The following GSE1 variants were observed in gnomAD, a reference collection of about 807,000 sequenced individuals.
GSE1 encodes genetic suppressor element 1.
GSE1 carries 32 observed loss-of-function variants against 112.6 expected under a neutral mutation model. The ratio of observed to expected loss-of-function variants is 0.28; its 90% CI spans 0.21 to 0.38. The LOEUF is 0.38. GSE1 is among the 10% of genes least tolerant of loss of function. The pLI is 1.00. For missense variants in GSE1, 2,348 were observed against 1,699.2 expected (o/e 1.38, Z -6.71); for synonymous variants, 1,115 against 735.6 (o/e 1.52, Z -8.35).
At chr16:85,352,661 C>T (rs1308242062) in intron 1 of GSE1, among the ~76,000 whole-genome samples, 1 of 152,150 alleles carries the variant, frequency 6.6e-6, no homozygotes, top group Non-Finnish European at 1.5e-5. Context: ...GGCCCTTTGC[C>T]TCTGTTTGAT....
At chr16:85,330,538 C>T (rs749512456) in intron 1 of GSE1, among the ~76,000 whole-genome samples, 1 of 152,238 alleles carries the variant, frequency 6.6e-6, no homozygotes, top group Non-Finnish European at 1.5e-5. Context: ...CAGAGACAGC[C>T]CCTCGCAGCA....
At chr16:85,516,339 A>G (rs2051935732) in intron 2 of GSE1, among the ~76,000 whole-genome samples, 1 of 137,074 alleles carries the variant, frequency 7.3e-6, no homozygotes, top group South Asian at 2.7e-4. Context: ...CCAGAGTTCA[A>G]GGGGGCGGTG....
At chr16:85,322,467 T>G (rs1473492925) in intron 1 of GSE1, among the ~76,000 whole-genome samples, 1 of 152,080 alleles carries the variant, frequency 6.6e-6, no homozygotes, top group Admixed American at 6.5e-5. Context: ...TTGCAAGCAG[T>G]GACCAAGGGA....
chr16:85,170,383 G>T (rs2074339955), exon 1 of GSE1: 1 of 985,522 alleles, frequency 1.0e-6, no homozygotes, highest in Non-Finnish European at 1.2e-6. Flanking sequence ...TGTCCAAGAG[G>T]CCCCTGCAGA....
intron 1 of GSE1, among the ~76,000 whole-genome samples, chr16:85,294,649 CT>C: frequency 6.8e-5 from 8 of 118,260 alleles, no homozygotes; most frequent in African/African-American, 2.9e-4. Context: ...CTCTCTCTCT[CT>C]CTCTCTCTGT....
At position 85,311,181 on chromosome 16, in the gene GSE1, G is replaced by T. The variant is rs1274207632; in HGVS notation, c.2284-46282G>T. ...TCCAGAGGCCCATCGGATGCCCCTG[G>T]TTCCCAGGGTGCCCCCAGCAGAAGA... On this transcript the variant is annotated intron_variant, in intron 1 of 2. Coordinates refer to the GSE1 transcript ENST00000637419. This position sits in a 1 kb window ranked among gnomAD's most constrained non-coding sequence, Gnocchi z 4.2. Among the ~76,000 whole-genome samples, 5 of 152,200 alleles carry T rather than the reference G, an allele frequency of 3.3e-5. No individual in the cohort carries two copies. The highest frequency in any genetic ancestry group is 1.2e-4 in the African/African-American group (5 of 41,466).
At chr16:85,283,181 G>C (rs1337538175) in intron 1 of GSE1, 1 of 152,804 alleles carries the variant, frequency 6.5e-6, no homozygotes, top group Admixed American at 6.5e-5. Flanking sequence ...CAACCTGGGA[G>C]GTACTAGCCA....
intron 1 of GSE1, among the ~76,000 whole-genome samples, chr16:85,229,422 C>T (rs957755619): frequency 1.3e-5 from 2 of 152,248 alleles, no homozygotes; most frequent in African/African-American, 4.8e-5. Context: ...CTTCCCTGGC[C>T]CACCTGGTCC....
intron 2 of GSE1, among the ~76,000 whole-genome samples, chr16:85,390,438 C>A (rs1202077460): frequency 6.6e-6 from 1 of 152,120 alleles, no homozygotes; most frequent in African/African-American, 2.4e-5. Context: ...AGCTAGTCCC[C>A]TTTGAGCCCT....
At chr16:85,181,487 C>T (rs1244963397) in intron 1 of GSE1, among the ~76,000 whole-genome samples, 1 of 152,226 alleles carries the variant, frequency 6.6e-6, no homozygotes, top group Non-Finnish European at 1.5e-5. Context: ...GCCTGGCTTC[C>T]ACACGGCCCT....
intron 7 of GSE1, among the ~76,000 whole-genome samples, chr16:85,657,018 G>GA: frequency 6.6e-6 from 1 of 152,318 alleles, no homozygotes; most frequent in East Asian, 1.9e-4. Flanking sequence ...TCTGCTCTTT[G>GA]AGCCAGCATG....
chr16:85,307,218 T>C (rs2045703447), intron 1 of GSE1, among the ~76,000 whole-genome samples: 3 of 152,164 alleles, frequency 2.0e-5, no homozygotes, highest in Admixed American at 2.0e-4. Flanking sequence ...ATGGTTTGCA[T>C]GGTGGAGAGG....
chr16:85,171,951 C>A (rs1012850419), intron 1 of GSE1: 6 of 361,424 alleles, frequency 1.7e-5, no homozygotes, highest in Non-Finnish European at 2.3e-5. Flanking sequence ...AGGTACCCTC[C>A]CTGAGTCACT....
chr16:85,667,029 C>T (rs2052919921), intron 13 of GSE1, among the ~76,000 whole-genome samples: 1 of 152,368 alleles, frequency 6.6e-6, no homozygotes, highest in Middle Eastern at 3.4e-3. Flanking sequence ...TACGCAGATA[C>T]TATGCCACTT....
In GSE1 at chr16:85,373,815, G is replaced by T. The variant is rs370082264; in HGVS notation, c.2464+16172G>T. 4.6e-4 allele frequency among the ~76,000 whole-genome samples: 70 copies of T among 152,284 alleles called. 1 individual carries two copies. Among genetic ancestry groups the T allele is most frequent in the African/African-American group, 1.6e-3 (67 of 41,562 alleles). On this transcript the variant is annotated intron_variant, in intron 2 of 2. Transcript: ENST00000637419. The surrounding 1 kb of genome is among the most constrained non-coding windows in gnomAD (Gnocchi z 5.1). ...AGGCAGCCCAGGGCAGGGTGATTGT[G>T]CTCCTGCCCCACGGTGCCCCACGGT...
At chr16:85,455,569 G>A (rs1597806840) in intron 2 of GSE1, among the ~76,000 whole-genome samples, 4 of 152,320 alleles carry the variant, frequency 2.6e-5, no homozygotes, top group Non-Finnish European at 1.5e-5. Flanking sequence ...GGCAAGCAGA[G>A]CCTCTGCTCA....
At chr16:85,266,767 C>G (rs1408618594) in intron 1 of GSE1, among the ~76,000 whole-genome samples, 1 of 152,134 alleles carries the variant, frequency 6.6e-6, no homozygotes, top group Non-Finnish European at 1.5e-5. Flanking sequence ...TGGGCAGAGA[C>G]AGGGCTCTAG....
chr16:85,258,838 C>T (rs1260607554), intron 1 of GSE1, among the ~76,000 whole-genome samples: 2 of 152,208 alleles, frequency 1.3e-5, no homozygotes, highest in African/African-American at 4.8e-5. Flanking sequence ...CGTGCCCCAG[C>T]CTGACCTCGC....
At chr16:85,519,366 CCGGTCTCCATCATCAT>C in intron 2 of GSE1, among the ~76,000 whole-genome samples, 1 of 91,168 alleles carries the variant, frequency 1.1e-5, no homozygotes, top group Non-Finnish European at 2.2e-5. Flanking sequence ...ATCACCATCA[CCGGTCTCCATCATCAT>C]CACCTTCACC....
Sources: gnomAD v4.1 joint callset for allele counts (sites outside exome capture counted in the v4.1 genomes callset) on GRCh38, gnomAD v4.1.1 for gene constraint, Gnocchi (gnomAD v3.1) non-coding constraint, MANE v1.5 for transcripts, NCBI Gene and HGNC (gene_info 2026-07-23, HGNC 2026-07-21) for gene names.